The following GABRG3 variants were observed in gnomAD, a reference collection of about 807,000 sequenced individuals.
GABRG3 encodes gamma-aminobutyric acid receptor subunit gamma-3.
A neutral mutation model predicts 48.8 loss-of-function variants in GABRG3; 25 were observed. That is an observed-to-expected ratio of 0.51 (90% CI 0.37 to 0.72). GABRG3 has a LOEUF of 0.72. Among genes scored for constraint, GABRG3 ranks in the 30% least tolerant of loss-of-function variants. The pLI is 0.00. For synonymous variants in GABRG3, 227 were observed against 217.6 expected, an observed-to-expected ratio of 1.04 and a Z score of -0.38; for missense variants, 394 against 577.9, an observed-to-expected ratio of 0.68 and a Z score of 3.26.
intron 3 of GABRG3, among the ~76,000 whole-genome samples, chr15:27,088,105 T>TTG (rs59358081): frequency 0.045 from 6,598 of 147,232 alleles, 163 homozygotes; most frequent in Middle Eastern, 0.066. Flanking sequence ...TGTGCCGTGG[T>TTG]TGTGTGTGTG....
intron 2 of GABRG3, among the ~76,000 whole-genome samples, chr15:27,003,140 TATC>T (rs561135674): frequency 6.5e-4 from 99 of 151,510 alleles, no homozygotes; most frequent in African/African-American, 2.2e-3. Context: ...GGTATTCAAG[TATC>T]ATGAAATAGT....
chr15:27,110,257 C>T (rs566662435), intron 3 of GABRG3, among the ~76,000 whole-genome samples: 1 of 152,046 alleles, frequency 6.6e-6, no homozygotes, highest in African/African-American at 2.4e-5. Context: ...TCAAATAACA[C>T]TATTCTGCAC....
chr15:27,293,015 A>C (rs1227294591), intron 3 of GABRG3, among the ~76,000 whole-genome samples: 1 of 152,226 alleles, frequency 6.6e-6, no homozygotes, highest in African/African-American at 2.4e-5. Context: ...AGCATAAGAT[A>C]GGGAAACTGC....
chr15:27,091,428 G>A (rs1459547018), intron 3 of GABRG3, among the ~76,000 whole-genome samples: 1 of 152,114 alleles, frequency 6.6e-6, no homozygotes, highest in African/African-American at 2.4e-5. Context: ...ATATTGTTCT[G>A]TCGTTTTCTT....
chr15:27,084,109 G>A (rs543739088), intron 3 of GABRG3, among the ~76,000 whole-genome samples: 3 of 152,202 alleles, frequency 2.0e-5, no homozygotes, highest in Admixed American at 6.5e-5. Context: ...CATCCAGGCC[G>A]TCTTGCCTCA....
intron 3 of GABRG3, among the ~76,000 whole-genome samples, chr15:27,094,731 C>A (rs1433519700): frequency 2.0e-5 from 3 of 152,080 alleles, no homozygotes; most frequent in Admixed American, 6.5e-5. Flanking sequence ...CTAGAAGCAG[C>A]ACTTTTATGC....
chr15:27,530,592 A>G (rs1321112709), intron 9 of GABRG3: 5 of 470,784 alleles, frequency 1.1e-5, no homozygotes, highest in African/African-American at 2.0e-5. Flanking sequence ...ATGAAGTGAA[A>G]TGGAGGTTTC....
rs376327884 is a variant in GABRG3 at position 26,973,400 on chromosome 15, AT to A, written c.53+1816del. 2.7e-3 allele frequency among the ~76,000 whole-genome samples: 412 copies of A among 152,310 alleles called. 2 individuals are homozygous for A. The highest frequency in any genetic ancestry group is 9.3e-3 in the African/African-American group (388 of 41,564). On this transcript the variant is annotated intron_variant, in intron 1 of 9. Transcript: ENST00000615808. ...CTTGCAGATCAGTTAAAAAATCCAA[AT>A]TTTATACTAACTTTATTGCTATATG...
At chr15:27,050,311 C>G (rs1173347495) in intron 3 of GABRG3, among the ~76,000 whole-genome samples, 2 of 152,184 alleles carry the variant, frequency 1.3e-5, no homozygotes, top group African/African-American at 4.8e-5. Flanking sequence ...GCCTGAAACT[C>G]TGTCCCTGGG....
chr15:27,300,320 T>C (rs759080168), intron 3 of GABRG3, among the ~76,000 whole-genome samples: 7 of 152,094 alleles, frequency 4.6e-5, no homozygotes, highest in Non-Finnish European at 7.4e-5. Context: ...CCCATGCCAT[T>C]ATGAAGTATA....
chr15:27,095,540 C>T (rs1428444739), intron 3 of GABRG3, among the ~76,000 whole-genome samples: 3 of 152,054 alleles, frequency 2.0e-5, no homozygotes, highest in Non-Finnish European at 2.9e-5. Flanking sequence ...TGGCGTTACA[C>T]GTGGTTGTCC....
intron 3 of GABRG3, among the ~76,000 whole-genome samples, chr15:27,156,661 T>C (rs1898436824): frequency 6.6e-6 from 1 of 152,156 alleles, no homozygotes. Context: ...CAAAATGAAA[T>C]GGATTTATAT....
At chr15:27,005,559 C>G (rs1368579483) in intron 2 of GABRG3, among the ~76,000 whole-genome samples, 1 of 152,112 alleles carries the variant, frequency 6.6e-6, no homozygotes, top group Non-Finnish European at 1.5e-5. Flanking sequence ...GTGCTCAAGC[C>G]TCTGATCTAG....
intron 3 of GABRG3, among the ~76,000 whole-genome samples, chr15:27,315,490 T>C (rs1163099508): frequency 6.6e-6 from 1 of 152,188 alleles, no homozygotes; most frequent in Non-Finnish European, 1.5e-5. Context: ...GCACAAAATA[T>C]AGTGATGTGT....
chr15:27,333,543 G>A (rs534140630), intron 5 of GABRG3, among the ~76,000 whole-genome samples: 2 of 152,164 alleles, frequency 1.3e-5, no homozygotes, highest in South Asian at 2.1e-4. Context: ...GATTAGGTTG[G>A]GCTCACCCAC....
chr15:27,475,188 CA>C (rs1385155116), intron 5 of GABRG3, among the ~76,000 whole-genome samples: 7 of 152,012 alleles, frequency 4.6e-5, no homozygotes, highest in Non-Finnish European at 8.8e-5. Context: ...ATCAGAAGAA[CA>C]GATGGAGACC....
chr15:27,164,433 C>A (rs1232654012), intron 3 of GABRG3, among the ~76,000 whole-genome samples: 2 of 152,172 alleles, frequency 1.3e-5, no homozygotes, highest in Non-Finnish European at 2.9e-5. Context: ...GGTATTAGCA[C>A]ATTAGTGTTA....
At chr15:27,193,361 G>A (rs2140424099) in intron 3 of GABRG3, among the ~76,000 whole-genome samples, 1 of 151,874 alleles carries the variant, frequency 6.6e-6, no homozygotes, top group East Asian at 1.9e-4. Context: ...TTGAGCTGTG[G>A]TGGGCTCCAC....
At chr15:27,279,665 G>A (rs147461018) in intron 3 of GABRG3, among the ~76,000 whole-genome samples, 414 of 152,224 alleles carry the variant, frequency 2.7e-3, no homozygotes, top group African/African-American at 9.3e-3. Context: ...GATTACTGTA[G>A]TTGTATGTAT....
Sources: gnomAD v4.1 joint callset for allele counts (sites outside exome capture counted in the v4.1 genomes callset) on GRCh38, gnomAD v4.1.1 for gene constraint, MANE v1.5 for transcripts, NCBI Gene and HGNC (gene_info 2026-07-23, HGNC 2026-07-21) for gene names.